NHSL1: variants seen among roughly 807,000 people sequenced by gnomAD.
The protein encoded by NHSL1 is NHS like 1.
NHSL1 carries 48 observed loss-of-function variants against 95.0 expected under a neutral mutation model. The observed-to-expected ratio is 0.51, with a 90% CI of 0.40 to 0.64. The LOEUF (loss-of-function observed/expected upper bound fraction) is 0.64. Ranked by LOEUF, NHSL1 falls within the 30% of genes least tolerant of loss-of-function variation. The pLI is 0.00. For synonymous variants in NHSL1, 783 were observed against 833.9 expected, an observed-to-expected ratio of 0.94 and a Z score of 1.05; for missense variants, 1,971 against 2,077.7, an observed-to-expected ratio of 0.95 and a Z score of 1.00.
chr6:138,640,907 A>G (rs1331497539), intron 1 of NHSL1, among the ~76,000 whole-genome samples: 2 of 152,230 alleles, frequency 1.3e-5, no homozygotes, highest in Non-Finnish European at 2.9e-5. Flanking sequence ...CAACATACAC[A>G]AATTGTCAGC....
intron 1 of NHSL1, among the ~76,000 whole-genome samples, chr6:138,691,601 T>C (rs991704512): frequency 6.6e-6 from 1 of 152,158 alleles, no homozygotes; most frequent in African/African-American, 2.4e-5. Flanking sequence ...CCATCTCCAA[T>C]TTATTCTTTA....
At chr6:138,434,093 A>C (rs1191233017) in intron 5 of NHSL1, among the ~76,000 whole-genome samples, 2 of 152,224 alleles carry the variant, frequency 1.3e-5, no homozygotes, top group East Asian at 1.9e-4. Context: ...AAGGTAGATG[A>C]ATGTAGTAAT....
chr6:138,516,282 T>C (rs1046495250), intron 1 of NHSL1, among the ~76,000 whole-genome samples: 7 of 152,182 alleles, frequency 4.6e-5, no homozygotes, highest in Admixed American at 4.6e-4. Flanking sequence ...CAGCTTTGAC[T>C]GCGGCAGAGA....
chr6:138,628,756 A>T (rs914628738), intron 1 of NHSL1, among the ~76,000 whole-genome samples: 2 of 152,202 alleles, frequency 1.3e-5, no homozygotes, highest in Admixed American at 1.3e-4. Context: ...TCAAAAAGAA[A>T]ATTAAAAAGT....
chr6:138,596,382 G>A (rs73564386), intron 1 of NHSL1, among the ~76,000 whole-genome samples: 4,318 of 152,224 alleles, frequency 0.028, 199 homozygotes, highest in African/African-American at 0.099. Flanking sequence ...GGCCTCCAGC[G>A]TCATGTGGAA....
chr6:138,428,578 G>A (rs1775416944), intron 7 of NHSL1, among the ~76,000 whole-genome samples: 1 of 152,184 alleles, frequency 6.6e-6, no homozygotes, highest in Non-Finnish European at 1.5e-5. Flanking sequence ...CGTAATTCTT[G>A]ACAAGAACAT....
chr6:138,446,941 C>T (rs1245457499), intron 4 of NHSL1, 60 bp downstream of exon 4: 1 of 1,477,012 alleles, frequency 6.8e-7, no homozygotes, highest in Non-Finnish European at 9.3e-7. Context: ...CAGCATAAAA[C>T]AAAAAGCTGT....
intron 2 of NHSL1, among the ~76,000 whole-genome samples, chr6:138,487,125 T>TA (rs11382309): frequency 0.053 from 8,082 of 151,914 alleles, 726 homozygotes; most frequent in African/African-American, 0.18. Context: ...AGGCACAAAG[T>TA]AAAAAAAATT....
intron 1 of NHSL1, among the ~76,000 whole-genome samples, chr6:138,670,820 T>C (rs77619291): frequency 1.0e-3 from 156 of 150,204 alleles, no homozygotes; most frequent in African/African-American, 3.8e-3. Context: ...ATAGCAAAAA[T>C]GAAAAGCTCA....
upstream of NHSL1, among the ~76,000 whole-genome samples, chr6:138,501,392 A>G (rs1207162038): frequency 1.3e-5 from 2 of 152,226 alleles, no homozygotes; most frequent in African/African-American, 4.8e-5. Context: ...GAAGGAGTTG[A>G]GTGCAACAGA....
intron 2 of NHSL1, among the ~76,000 whole-genome samples, chr6:138,484,720 A>G (rs1779620359): frequency 6.6e-6 from 1 of 152,182 alleles, no homozygotes; most frequent in Admixed American, 6.5e-5. Context: ...ATTAATTCCT[A>G]TTAGAGTGAA....
chr6:138,602,988 C>T (rs1583443906), intron 1 of NHSL1, among the ~76,000 whole-genome samples: 1 of 152,104 alleles, frequency 6.6e-6, no homozygotes, highest in African/African-American at 2.4e-5. Flanking sequence ...CAGAAAAAGC[C>T]CTCCAAACAA....
intron 2 of NHSL1, among the ~76,000 whole-genome samples, chr6:138,489,505 G>A (rs1044309515): frequency 3.3e-5 from 5 of 152,040 alleles, no homozygotes; most frequent in South Asian, 2.1e-4. Context: ...GGAGGCTCAC[G>A]CCTGTAATGC....
At chr6:138,487,295 C>A (rs1562319321) in intron 2 of NHSL1, among the ~76,000 whole-genome samples, 1 of 152,120 alleles carries the variant, frequency 6.6e-6, no homozygotes, top group African/African-American at 2.4e-5. Context: ...GGCAGGCTGA[C>A]CAAGTTCGTT....
At chr6:138,554,537 T>C (rs1354213259) in intron 1 of NHSL1, among the ~76,000 whole-genome samples, 1 of 152,228 alleles carries the variant, frequency 6.6e-6, no homozygotes, top group Admixed American at 6.5e-5. Flanking sequence ...GGACTATAAT[T>C]ACTTTTAATC....
At chr6:138,489,853 GGAGAGAGAGAGA>G (rs1202082058) in intron 2 of NHSL1, among the ~76,000 whole-genome samples, 1,036 of 36,932 alleles carry the variant, frequency 0.028, 78 homozygotes, top group African/African-American at 0.14. Context: ...AGGGAGAGAG[GGAGAGAGAGAGA>G]GAGAGAGGGA....
In NHSL1 at chr6:138,431,108, C is replaced by A. The variant is rs1326079045; in HGVS notation, c.3237G>T (p.Arg1079Ser). 6.4e-7 allele frequency: 1 copy of A among 1,551,846 alleles called. No homozygotes were observed. The highest frequency in any genetic ancestry group is 1.4e-5 in the African/African-American group (1 of 73,184). The change falls in exon 6 of 8, where the codon AGG becomes AGT. Residue 1079 changes from arginine to serine, a missense_variant. Around this residue, in one of 3 missense-constraint regions of NHSL1, gnomAD observed 1,602 missense variants for 1,654.5 expected, o/e 0.97. Transcript: ENST00000343505. This position sits in a 1 kb window ranked among gnomAD's most constrained non-coding sequence, Gnocchi z 4.0. ...TTEALQMVQL[R>S]PVRKNSGAEA... is the part of the protein sequence containing the mutation. ...CAGCGCCTGAGTTCTTTCTCACGGG[C>A]CTCAACTGCACCATCTGCAATGCTT...
chr6:138,665,758 T>C (rs1785285890), intron 1 of NHSL1, among the ~76,000 whole-genome samples: 1 of 152,222 alleles, frequency 6.6e-6, no homozygotes, highest in African/African-American at 2.4e-5. Flanking sequence ...TCCTAGACAT[T>C]ACTAACACTT....
At chr6:138,605,253 T>C (rs1784418099) in intron 1 of NHSL1, among the ~76,000 whole-genome samples, 2 of 152,106 alleles carry the variant, frequency 1.3e-5, no homozygotes. Flanking sequence ...TGAGACAGGG[T>C]TTTGCTCTGT....
Sources: gnomAD v4.1 joint callset for allele counts (sites outside exome capture counted in the v4.1 genomes callset) on GRCh38, gnomAD v4.1.1 for gene constraint, gnomAD v4.1.1 regional missense constraint, Gnocchi (gnomAD v3.1) non-coding constraint, MANE v1.5 for transcripts, NCBI Gene and HGNC (gene_info 2026-07-23, HGNC 2026-07-21) for gene names.